Variants in SLC2A13 observed in about 807,000 individuals in gnomAD.
SLC2A13 encodes solute carrier family 2 member 13.
A neutral mutation model predicts 64.4 loss-of-function variants in SLC2A13; 32 were observed. That is an observed-to-expected ratio of 0.50 (90% CI 0.37 to 0.67). The LOEUF is 0.67. SLC2A13 is among the 30% of genes least tolerant of loss of function. SLC2A13 has a pLI of 0.00. For synonymous variants in SLC2A13, 338 were observed against 327.1 expected (o/e 1.03, Z -0.36); for missense variants, 743 against 829.2 (o/e 0.90, Z 1.28).
At chr12:40,083,050 A>C (rs1157078878) in intron 1 of SLC2A13, among the ~76,000 whole-genome samples, 1 of 152,058 alleles carries the variant, frequency 6.6e-6, no homozygotes, top group Non-Finnish European at 1.5e-5. Flanking sequence ...GTCTGCATCT[A>C]GTCAGCCATC....
intron 6 of SLC2A13, among the ~76,000 whole-genome samples, chr12:39,839,431 T>C (rs1240702090): frequency 6.6e-6 from 1 of 152,092 alleles, no homozygotes; most frequent in Non-Finnish European, 1.5e-5. Flanking sequence ...GGCCTACTGG[T>C]ACTAATTTCA....
At position 39,895,793 on chromosome 12, in the gene SLC2A13, C is replaced by G. The variant is rs530463722; in HGVS notation, c.1035-23832G>C. On this transcript the variant is annotated intron_variant, in intron 4 of 9. Transcript: ENST00000280871. The stretch of plus-strand genomic sequence containing the variant: ...ATGTATATGCGTGTATACGTACACA[C>G]ATGTATATGCGTGTATACGTACACA... 8.9e-4 allele frequency among the ~76,000 whole-genome samples: 17 copies of G among 19,104 alleles called. 4 individuals carry two copies. The highest frequency in any genetic ancestry group is 2.7e-3 in the African/African-American group (17 of 6,374). 12.5% of individuals were successfully genotyped at this position (19,104 alleles called of 152,430 possible). A position where few individuals can be genotyped will look rare whatever the true frequency, so the allele number is the denominator to read the frequency against.
At chr12:39,916,814 T>C (rs1325525323) in intron 4 of SLC2A13, among the ~76,000 whole-genome samples, 1 of 16,054 alleles carries the variant, frequency 6.2e-5, no homozygotes, top group African/African-American at 1.4e-4. Flanking sequence ...TGTGGAAGGA[T>C]TATCATTTAA....
chr12:40,105,313 C>T lies in SLC2A13; in HGVS notation c.496G>A (p.Ala166Thr). Residue 166 changes from alanine (A) to threonine (T), a missense_variant, in exon 1 of 10, where the codon GCT (alanine) becomes ACT (threonine). By Grantham distance (58) the Ala-to-Thr change is moderately conservative (BLOSUM62 0). Transcript: ENST00000280871. This position sits in a 1 kb window ranked among gnomAD's most constrained non-coding sequence, Gnocchi z 4.2. Reference sequence around the variant, plus strand: ...AGTGTCTCCTTGTTGTTGGCCGCAGCCAGCACCGCGGAGCCGGCGGTGAAG... The same window carrying T: ...AGTGTCTCCTTGTTGTTGGCCGCAGTCAGCACCGCGGAGCCGGCGGTGAAG... ...ALFTAGSAVL[A>T]AANNKETLLA... is the part of the protein sequence containing the mutation. The T allele has an allele frequency of 6.2e-7, 1 of 1,601,592 alleles. No homozygotes were observed. The highest frequency in any genetic ancestry group is 8.5e-7 in the Non-Finnish European group (1 of 1,175,768).
At chr12:40,060,065 C>G (rs1040614123) in intron 1 of SLC2A13, among the ~76,000 whole-genome samples, 1 of 151,932 alleles carries the variant, frequency 6.6e-6, no homozygotes, top group Admixed American at 6.6e-5. Context: ...GGATGAAAAT[C>G]TATATTAATG....
intron 4 of SLC2A13, among the ~76,000 whole-genome samples, chr12:39,913,812 AG>A (rs1945474400): frequency 6.6e-6 from 1 of 152,036 alleles, no homozygotes; most frequent in Admixed American, 6.5e-5. Flanking sequence ...CGTATCAAGT[AG>A]AAAAAACTAA....
chr12:39,783,281 T>G (rs59145967), intron 7 of SLC2A13, among the ~76,000 whole-genome samples: 101 of 152,206 alleles, frequency 6.6e-4, no homozygotes, highest in Non-Finnish European at 1.2e-3. Context: ...TGATGGACAT[T>G]TGGGTTGGTT....
chr12:39,856,917 C>A (rs1024835228), intron 6 of SLC2A13, among the ~76,000 whole-genome samples: 1 of 152,048 alleles, frequency 6.6e-6, no homozygotes, highest in Admixed American at 6.6e-5. Flanking sequence ...GTAAGGTTTT[C>A]TTGGTCTTTA....
rs372263636 is a variant in SLC2A13, at chr12:39,941,403, C to G, written c.1034+9854G>C. On this transcript the variant is annotated intron_variant, in intron 4 of 9. Coordinates refer to ENST00000280871, the MANE Select transcript of SLC2A13 (RefSeq NM_052885.4). ...CATTCCCACCAGCAGTGTAGAAGTGCTCCCTGTTGACCACATCCATGCCAA... is the reference window on the plus strand; with the variant it reads ...CATTCCCACCAGCAGTGTAGAAGTGGTCCCTGTTGACCACATCCATGCCAA... Among the ~76,000 whole-genome samples the G allele has an allele frequency of 3.3e-5, 5 of 152,234 alleles. No homozygotes were observed. The South Asian group carries it at 1.0e-3, about 32-fold the overall frequency.
chr12:39,898,767 A>C (rs1336393709), intron 4 of SLC2A13, among the ~76,000 whole-genome samples: 6 of 152,114 alleles, frequency 3.9e-5, no homozygotes, highest in Non-Finnish European at 7.4e-5. Context: ...CACTACTTAC[A>C]TCTCTCTCAA....
chr12:39,797,740 A>ACATATG (rs10695272), intron 7 of SLC2A13, among the ~76,000 whole-genome samples: 148 of 131,476 alleles, frequency 1.1e-3, no homozygotes, highest in African/African-American at 4.0e-3. Flanking sequence ...ACACACACAC[A>ACATATG]CACACACACA....
At chr12:39,866,542 G>C (rs942132214) in intron 5 of SLC2A13, among the ~76,000 whole-genome samples, 1 of 151,948 alleles carries the variant, frequency 6.6e-6, no homozygotes, top group Non-Finnish European at 1.5e-5. Context: ...GCAGTGGCGC[G>C]ATCTCGGCTC....
chr12:39,816,162 G>A (rs897383956), intron 7 of SLC2A13, among the ~76,000 whole-genome samples: 1 of 152,080 alleles, frequency 6.6e-6, no homozygotes, highest in Non-Finnish European at 1.5e-5. Context: ...TGAACTTGGG[G>A]TTTGTTTCTG....
chr12:39,882,197 G>C (rs1944355744), intron 4 of SLC2A13, among the ~76,000 whole-genome samples: 1 of 152,058 alleles, frequency 6.6e-6, no homozygotes, highest in Non-Finnish European at 1.5e-5. Context: ...GAGGGTCTCA[G>C]ATATTGGTGT....
At chr12:39,789,109 T>C (rs903994188) in intron 7 of SLC2A13, among the ~76,000 whole-genome samples, 4 of 152,152 alleles carry the variant, frequency 2.6e-5, no homozygotes, top group Admixed American at 2.6e-4. Context: ...GCTTATTAAC[T>C]ATATCATTAT....
At chr12:40,070,155 G>GAAA (rs373099878) in intron 1 of SLC2A13, among the ~76,000 whole-genome samples, 6 of 142,048 alleles carry the variant, frequency 4.2e-5, no homozygotes, top group Admixed American at 7.0e-5. Context: ...TCTATGGCAG[G>GAAA]AAAAAAAAAA....
At chr12:39,978,962 G>C (rs790875) in intron 3 of SLC2A13, among the ~76,000 whole-genome samples, 1 of 148,928 alleles carries the variant, frequency 6.7e-6, no homozygotes, top group Non-Finnish European at 1.5e-5. Flanking sequence ...CTCCCAGCAC[G>C]CAGCTGGAGA....
At chr12:39,849,983 G>A (rs1016645216) in intron 6 of SLC2A13, among the ~76,000 whole-genome samples, 2 of 152,024 alleles carry the variant, frequency 1.3e-5, no homozygotes, top group African/African-American at 4.8e-5. Context: ...TAAAATCTAT[G>A]GATTCTGTGT....
intron 4 of SLC2A13, among the ~76,000 whole-genome samples, chr12:39,915,875 T>G (rs1245662750): frequency 6.6e-6 from 1 of 151,890 alleles, no homozygotes; most frequent in African/African-American, 2.4e-5. Context: ...CCTGACATCA[T>G]CACGACAAAT....
Sources: allele counts gnomAD v4.1 joint callset (sites outside exome capture counted in the v4.1 genomes callset), GRCh38; gene constraint gnomAD v4.1.1; non-coding constraint Gnocchi (gnomAD v3.1); transcripts MANE v1.5; gene names NCBI Gene and HGNC (gene_info 2026-07-23, HGNC 2026-07-21).